The following ARHGAP21 variants were observed in gnomAD, a reference collection of about 807,000 sequenced individuals.
ARHGAP21 encodes the protein rho GTPase-activating protein 21.
A neutral mutation model predicts 164.6 loss-of-function variants in ARHGAP21; 38 were observed. That is an observed-to-expected ratio of 0.23 (90% CI 0.18 to 0.30). The LOEUF (loss-of-function observed/expected upper bound fraction) is 0.30, where lower values mean the gene tolerates loss of function less well. Among genes scored for constraint, ARHGAP21 ranks in the 10% least tolerant of loss-of-function variants. ARHGAP21 has a pLI of 1.00. For missense variants in ARHGAP21, 1,822 were observed against 2,370.7 expected, an observed-to-expected ratio of 0.77 and a Z score of 4.81; for synonymous variants, 766 against 857.9, an observed-to-expected ratio of 0.89 and a Z score of 1.87.
intron 2 of ARHGAP21, among the ~76,000 whole-genome samples, chr10:24,706,868 T>C (rs1467440325): frequency 6.6e-6 from 1 of 152,244 alleles, no homozygotes; most frequent in Non-Finnish European, 1.5e-5. Context: ...TTATTGCTTT[T>C]TCCTTCTTTT....
At chr10:24,603,008 G>A (rs1564987322) in intron 12 of ARHGAP21, among the ~76,000 whole-genome samples, 3 of 152,310 alleles carry the variant, frequency 2.0e-5, no homozygotes, top group Non-Finnish European at 2.9e-5. Flanking sequence ...TAATCATCAC[G>A]TAAACCTTGA....
intron 2 of ARHGAP21, among the ~76,000 whole-genome samples, chr10:24,679,706 T>TG (rs1249550501): frequency 6.6e-6 from 1 of 152,248 alleles, no homozygotes; most frequent in African/African-American, 2.4e-5. Flanking sequence ...ACTTCCCTTA[T>TG]GGCAAATGAT....
At chr10:24,653,890 C>A (rs1838490792) in intron 4 of ARHGAP21, among the ~76,000 whole-genome samples, 1 of 151,804 alleles carries the variant, frequency 6.6e-6, no homozygotes, top group African/African-American at 2.4e-5. Flanking sequence ...AACTTTTGTG[C>A]AGCAAAGGAC....
Position 24,619,493 on chromosome 10 carries a change from A to G in ARHGAP21, c.2402T>C (p.Leu801Ser). Residue 801 changes from leucine to serine, a missense_variant, in exon 9 of 26, where the codon TTG becomes TCG. Leu to Ser is a moderately radical substitution (Grantham distance 145). This residue lies in a region of ARHGAP21 where 1,090 missense variants were observed against 1,378.9 expected (regional missense o/e 0.79). Coordinates refer to ENST00000396432, the MANE Select transcript of ARHGAP21 (RefSeq NM_020824.4). ...CTCACCTATAAATGGGATGGAAGCCAAAGAATCGCCAGGCGGACTGGTACT... is the reference window on the plus strand; with the variant it reads ...CTCACCTATAAATGGGATGGAAGCCGAAGAATCGCCAGGCGGACTGGTACT... ...ASSTSPPGDSLASIPFIDEPT... is the reference protein window; with the variant it reads ...ASSTSPPGDSSASIPFIDEPT... The G allele has an allele frequency of 6.2e-7, 1 of 1,614,002 alleles. No individual in the cohort carries two copies. The highest frequency in any genetic ancestry group is 1.1e-5 in the South Asian group (1 of 91,010).
At chr10:24,622,440 ATATATATATATATAT>A (rs1348936253) in intron 8 of ARHGAP21, among the ~76,000 whole-genome samples, 207 of 8,602 alleles carry the variant, frequency 0.024, 3 homozygotes, top group African/African-American at 0.063. Context: ...AAACATATAT[ATATATATATATATAT>A]ATATATATAT....
chr10:24,684,762 C>T (rs1049757723), intron 2 of ARHGAP21, among the ~76,000 whole-genome samples: 28 of 152,340 alleles, frequency 1.8e-4, no homozygotes, highest in Admixed American at 9.1e-4. Flanking sequence ...CCTCAGCCTC[C>T]TAAGTGGCTG....
chr10:24,654,076 G>A (rs1377271563), intron 4 of ARHGAP21, among the ~76,000 whole-genome samples: 2 of 152,056 alleles, frequency 1.3e-5, no homozygotes, highest in African/African-American at 4.8e-5. Context: ...AGATTCAACA[G>A]CCCTTCATGC....
intron 4 of ARHGAP21, among the ~76,000 whole-genome samples, chr10:24,638,628 C>G (rs1836641049): frequency 6.6e-6 from 1 of 152,186 alleles, no homozygotes; most frequent in Admixed American, 6.5e-5. Context: ...TCTTTCAATT[C>G]CACATCTGTA....
At chr10:24,601,828 C>CT (rs2076825671) in intron 13 of ARHGAP21, 150 bp downstream of exon 13, 1 of 1,021,460 alleles carries the variant, frequency 9.8e-7, no homozygotes, top group Non-Finnish European at 1.3e-6. Context: ...TTAAGGAATA[C>CT]TTTTTTTAAT....
At chr10:24,650,855 C>T (rs1838090855) in intron 4 of ARHGAP21, among the ~76,000 whole-genome samples, 1 of 152,142 alleles carries the variant, frequency 6.6e-6, no homozygotes, top group Admixed American at 6.5e-5. Context: ...AGAGGTGAGT[C>T]CAGTGCTTTG....
At chr10:24,701,139 GGAA>G (rs2132120002) in intron 2 of ARHGAP21, among the ~76,000 whole-genome samples, 1 of 152,114 alleles carries the variant, frequency 6.6e-6, no homozygotes, top group East Asian at 1.9e-4. Context: ...GAGCGGAGGA[GGAA>G]GACAAGAGGA....
chr10:24,670,745 CAGAA>C (rs1840620672), intron 2 of ARHGAP21, among the ~76,000 whole-genome samples: 1 of 152,020 alleles, frequency 6.6e-6, no homozygotes, highest in South Asian at 2.1e-4. Flanking sequence ...GATTAAGAAA[CAGAA>C]AGCATGAAAG....
intron 4 of ARHGAP21, among the ~76,000 whole-genome samples, chr10:24,664,573 T>A (rs926353538): frequency 3.0e-4 from 45 of 150,240 alleles, no homozygotes; most frequent in African/African-American, 1.1e-3. Context: ...AAAATAATAA[T>A]AATAATAATA....
chr10:24,641,703 AAGGTTTT>A (rs1181305443), intron 4 of ARHGAP21, among the ~76,000 whole-genome samples: 1 of 152,196 alleles, frequency 6.6e-6, no homozygotes. Context: ...TAGTTTTTAA[AAGGTTTT>A]ACTGGCCAGG....
chr10:24,606,790 G>A (rs1433598332), intron 11 of ARHGAP21, among the ~76,000 whole-genome samples: 5 of 152,166 alleles, frequency 3.3e-5, no homozygotes, highest in South Asian at 4.2e-4. Flanking sequence ...GCAGTGAGCC[G>A]AGATCGCACC....
intron 4 of ARHGAP21, among the ~76,000 whole-genome samples, chr10:24,641,753 T>C (rs1837043751): frequency 6.6e-6 from 1 of 152,140 alleles, no homozygotes; most frequent in South Asian, 2.1e-4. Context: ...CCCAGCACTT[T>C]GGGAGGCAGA....
Position 24,597,976 on chromosome 10 carries a change from G to A in ARHGAP21, c.3166C>T (p.Arg1056Ter). ...AGATTGTTGTATTCTTTTATTCTTC[G>A]ACTAATTAGATCCCTGTTAGTGACT... ...TGVTNRDLIS[R>*]RIKEYNNLMS... The change falls in exon 15 of 26, where the codon CGA (arginine) becomes TGA (stop). Residue 1056 changes from arginine (R) to a stop codon, truncating the protein, a stop_gained. Transcript: ENST00000396432. LOFTEE classifies it high-confidence loss of function. 1.2e-6 allele frequency: 2 copies of A among 1,613,146 alleles called. No individual in the cohort carries two copies. The highest frequency in any genetic ancestry group is 2.2e-5 in the East Asian group (1 of 44,854).
intron 2 of ARHGAP21, among the ~76,000 whole-genome samples, chr10:24,680,975 G>T (rs569610897): frequency 2.0e-5 from 3 of 152,152 alleles, no homozygotes; most frequent in African/African-American, 7.2e-5. Context: ...TTCATAACAA[G>T]GTCATTTGAT....
intron 2 of ARHGAP21, among the ~76,000 whole-genome samples, chr10:24,691,161 C>T (rs1244749837): frequency 6.6e-6 from 1 of 152,076 alleles, no homozygotes; most frequent in Non-Finnish European, 1.5e-5. Flanking sequence ...AGATAACAAG[C>T]CTTTCAGGGT....
Sources: allele counts gnomAD v4.1 joint callset (sites outside exome capture counted in the v4.1 genomes callset), GRCh38; gene constraint gnomAD v4.1.1; regional missense constraint gnomAD v4.1.1; transcripts MANE v1.5; gene names NCBI Gene and HGNC (gene_info 2026-07-23, HGNC 2026-07-21).